Variants in NEXN observed in about 807,000 individuals in gnomAD.
The protein encoded by NEXN is nexilin F-actin binding protein.
Under a neutral mutation model 92.6 loss-of-function variants are expected in NEXN, and 65 were observed. The ratio of observed to expected loss-of-function variants is 0.70; its 90% confidence interval spans 0.57 to 0.86. The LOEUF (loss-of-function observed/expected upper bound fraction) is 0.86, where lower values mean the gene tolerates loss of function less well. NEXN is among the 40% of genes least tolerant of loss of function. The probability of loss-of-function intolerance (pLI) is 0.00; values close to 1 mark genes in which losing one functional copy is unlikely to be tolerated. For synonymous variants in NEXN, 254 were observed against 242.5 expected (o/e 1.05, Z -0.44); for missense variants, 778 against 771.1 (o/e 1.01, Z -0.11).
Position 77,908,394 on chromosome 1 carries a change from ATTTT to A in NEXN, c.-52-7641_-52-7638del, listed in dbSNP as rs34361411. Among the ~76,000 whole-genome samples the A allele has an allele frequency of 1.4e-4, 5 of 36,326 alleles. 1 individual carries two copies. The highest frequency in any genetic ancestry group is 5.3e-4 in the African/African-American group (5 of 9,468). 23.8% of individuals were successfully genotyped at this position (36,326 alleles called of 152,430 possible). A position where few individuals can be genotyped will look rare whatever the true frequency, so the allele number is the denominator to read the frequency against. Reference sequence around the variant, plus strand: ...CCACCCCCACCCCTCCCCTACCTCTATTTTTTTTTTTTTTTTTTTTTTTGAGACA... The same window carrying A: ...CCACCCCCACCCCTCCCCTACCTCTATTTTTTTTTTTTTTTTTTTGAGACA... On this transcript the variant is annotated intron_variant, in intron 1 of 12. Coordinates refer to ENST00000334785, the MANE Select transcript of NEXN (RefSeq NM_144573.4).
chr1:77,927,856 T>C (rs1299733796), intron 8 of NEXN, among the ~76,000 whole-genome samples: 1 of 152,090 alleles, frequency 6.6e-6, no homozygotes, highest in Non-Finnish European at 1.5e-5. Context: ...GCCTATTTCT[T>C]AAATGGTTAA....
At position 77,933,308 on chromosome 1, in the gene NEXN, G is replaced by A. The variant is rs1359207073; in HGVS notation, c.1080G>A (p.Met360Ile). 1 of 1,602,544 alleles carries A rather than the reference G, an allele frequency of 6.2e-7. No homozygotes were observed. The highest frequency in any genetic ancestry group is 8.5e-7 in the Non-Finnish European group (1 of 1,170,950). Reference protein sequence around the residue: ...NMVVDDDSPEMYKTISQEFLT... With the variant: ...NMVVDDDSPEIYKTISQEFLT... ...TAGTAGATGATGACTCCCCAGAGAT[G>A]TATAAGACAATCTCTCAAGAATTTC... Residue 360 changes from methionine to isoleucine, a missense_variant, in exon 10 of 13, where the codon ATG (methionine) becomes ATA (isoleucine). Coordinates refer to ENST00000334785, the MANE Select transcript of NEXN (RefSeq NM_144573.4).
At chr1:77,918,726 C>T (rs1178569927) in intron 5 of NEXN, among the ~76,000 whole-genome samples, 1 of 147,404 alleles carries the variant, frequency 6.8e-6, no homozygotes, top group Non-Finnish European at 1.5e-5. Flanking sequence ...AAATATTTAA[C>T]ATCAGATGCC....
intron 11 of NEXN, among the ~76,000 whole-genome samples, chr1:77,936,909 A>G (rs1213777931): frequency 2.0e-5 from 3 of 152,202 alleles, no homozygotes; most frequent in Non-Finnish European, 4.4e-5. Context: ...ACTATAAGCA[A>G]TTCATTATTA....
chr1:77,909,945 C>T (rs1490671713), intron 1 of NEXN, among the ~76,000 whole-genome samples: 1 of 151,996 alleles, frequency 6.6e-6, no homozygotes, highest in African/African-American at 2.4e-5. Context: ...AGATACAAAA[C>T]TTAACAAAAT....
intron 5 of NEXN, among the ~76,000 whole-genome samples, chr1:77,920,038 T>A (rs1359213708): frequency 6.6e-6 from 1 of 151,986 alleles, no homozygotes; most frequent in African/African-American, 2.4e-5. Context: ...TAGCTAGGAC[T>A]AAGGCACATG....
At position 77,933,345 on chromosome 1, in the gene NEXN, A is replaced by C. The variant is rs762994761; in HGVS notation, c.1117A>C (p.Lys373Gln). The C allele has an allele frequency of 4.3e-6, 7 of 1,610,990 alleles. No individual in the cohort carries two copies. Among genetic ancestry groups the C allele is most frequent in the Non-Finnish European group, 5.9e-6 (7 of 1,178,044 alleles). ...TISQEFLTPG[K>Q]LEINFEELLK... Reference sequence around the variant, plus strand: ...CTCTCAAGAATTTCTTACACCGGGAAAACTGGAAATTAATTTTGAAGAATT... The same window carrying C: ...CTCTCAAGAATTTCTTACACCGGGACAACTGGAAATTAATTTTGAAGAATT... Residue 373 changes from lysine (K) to glutamine (Q), a missense_variant, in exon 10 of 13, where the codon AAA (lysine) becomes CAA (glutamine). Lys to Gln is a moderately conservative substitution (Grantham distance 53). This residue lies in a region of NEXN where 532 missense variants were observed against 476.7 expected (regional missense o/e 1.12). Coordinates refer to ENST00000334785, the MANE Select transcript of NEXN (RefSeq NM_144573.4).
chr1:77,922,735 A>G (rs899810679), intron 5 of NEXN, among the ~76,000 whole-genome samples: 1 of 151,394 alleles, frequency 6.6e-6, no homozygotes, highest in South Asian at 2.1e-4. Context: ...AGCTGGGATT[A>G]CAGGCACCTG....
intron 4 of NEXN, 34 bp downstream of exon 4, chr1:77,918,072 T>C: frequency 2.5e-6 from 4 of 1,612,782 alleles, no homozygotes; most frequent in Non-Finnish European, 3.4e-6. Flanking sequence ...GTAAATTAAA[T>C]TGCAAAATAG....
chr1:77,900,378 AC>A (rs1291364122), intron 1 of NEXN, among the ~76,000 whole-genome samples: 1 of 152,160 alleles, frequency 6.6e-6, no homozygotes, highest in African/African-American at 2.4e-5. Flanking sequence ...TGGTTATAAT[AC>A]TGGTATTATA....
intron 1 of NEXN, 30 bp downstream of exon 1, chr1:77,888,789 G>A (rs1207058715): frequency 6.5e-6 from 1 of 153,450 alleles, no homozygotes; most frequent in Non-Finnish European, 1.5e-5. Flanking sequence ...CGTGGGCTGG[G>A]GGGAGTGGAG....
chr1:77,939,879 G>C (rs1022802827), intron 11 of NEXN, among the ~76,000 whole-genome samples: 7 of 152,254 alleles, frequency 4.6e-5, no homozygotes, highest in African/African-American at 1.7e-4. Flanking sequence ...TTCGAGACCA[G>C]CCTGGCCAAC....
intron 11 of NEXN, among the ~76,000 whole-genome samples, chr1:77,939,659 T>C (rs1015770861): frequency 2.0e-5 from 3 of 152,238 alleles, no homozygotes; most frequent in African/African-American, 7.2e-5. Context: ...GATGTGGTAT[T>C]AGGACATGGC....
chr1:77,908,521 C>T (rs909490443), intron 1 of NEXN, among the ~76,000 whole-genome samples: 11 of 151,786 alleles, frequency 7.2e-5, no homozygotes, highest in Non-Finnish European at 7.4e-5. Context: ...CTGCCTCAGC[C>T]TCCCGAGTAG....
rs1394704286 is a variant in NEXN at position 77,942,152 on chromosome 1, CAA to C, written c.1606_1607del (p.Lys536ValfsTer7). The C allele has an allele frequency of 1.2e-6, 2 of 1,613,570 alleles. No individual in the cohort carries two copies. Among genetic ancestry groups the C allele is most frequent in the African/African-American group, 1.3e-5 (1 of 74,848 alleles). On this transcript the variant is annotated frameshift_variant, in exon 12 of 13. Coordinates refer to ENST00000334785, the MANE Select transcript of NEXN (RefSeq NM_144573.4). LOFTEE classifies it high-confidence loss of function. The part of the protein sequence containing the change: ...EEEEQRRIEE[Q>X]KLLRMQFEQR... The stretch of plus-strand genomic sequence containing the variant: ...AGAAGAACAAAGAAGAATTGAAGAA[CAA>C]AAGTTACTACGCATGCAGTTTGAAC...
At chr1:77,921,618 A>T (rs999609480) in intron 5 of NEXN, among the ~76,000 whole-genome samples, 7 of 151,916 alleles carry the variant, frequency 4.6e-5, no homozygotes, top group South Asian at 4.2e-4. Context: ...CTAATTTTTT[A>T]AAAATTTTTG....
Position 77,889,786 on chromosome 1 carries a change from C to T in NEXN, c.-53+1027C>T, listed in dbSNP as rs1222855200. Among the ~76,000 whole-genome samples, 3 of 152,268 alleles carry T rather than the reference C, an allele frequency of 2.0e-5. No individual in the cohort carries two copies. In the East Asian group the frequency reaches 5.8e-4, roughly 29 times the overall value. ...GAAATTAGTTCCCTGACCAAAACAA[C>T]GGGAATATCATTCATCGTTAAATTT... On this transcript the variant is annotated intron_variant, in intron 1 of 12. Coordinates refer to ENST00000334785, the MANE Select transcript of NEXN (RefSeq NM_144573.4).
rs974932472 is a variant in NEXN at position 77,916,038 on chromosome 1, A to G, written c.-52-17A>G. The G allele has an allele frequency of 3.9e-5, 36 of 932,698 alleles. No individual in the cohort carries two copies. Among genetic ancestry groups the G allele is most frequent in the Non-Finnish European group, 1.9e-5 (13 of 675,982 alleles). 57.8% of individuals were successfully genotyped at this position (932,698 alleles called of 1,614,324 possible). On this transcript the variant is annotated splice_polypyrimidine_tract_variant and intron_variant, in intron 1 of 12. Transcript: ENST00000334785. ...CAAATAAATTAAAATTTATTATACA[A>G]TATAAATTTTTTTCAGGTGCAAATA...
intron 1 of NEXN, among the ~76,000 whole-genome samples, chr1:77,911,739 T>TTATATATA (rs34038877): frequency 6.7e-6 from 1 of 148,440 alleles, no homozygotes; most frequent in Non-Finnish European, 1.5e-5. Context: ...ATAGCCTGTT[T>TTATATATA]TATATATATA....
Sources: gnomAD v4.1 joint callset for allele counts (sites outside exome capture counted in the v4.1 genomes callset) on GRCh38, gnomAD v4.1.1 for gene constraint, gnomAD v4.1.1 regional missense constraint, MANE v1.5 for transcripts, NCBI Gene and HGNC (gene_info 2026-07-23, HGNC 2026-07-21) for gene names.